The following CNTN4 variants were observed in gnomAD, a reference collection of about 807,000 sequenced individuals.
CNTN4 encodes the protein contactin 4.
CNTN4 carries 77 observed loss-of-function variants against 122.5 expected under a neutral mutation model. The ratio of observed to expected loss-of-function variants is 0.63; its 90% CI spans 0.52 to 0.76. The LOEUF is 0.76. Ranked by LOEUF, CNTN4 falls within the 30% of genes least tolerant of loss-of-function variation. The pLI is 0.00. For missense variants in CNTN4, 1,256 were observed against 1,259.1 expected (o/e 1.00, Z 0.04); for synonymous variants, 512 against 447.0 (o/e 1.15, Z -1.83).
At chr3:2,603,079 T>C (rs1459018994) in intron 4 of CNTN4, among the ~76,000 whole-genome samples, 1 of 151,102 alleles carries the variant, frequency 6.6e-6, no homozygotes, top group Non-Finnish European at 1.5e-5. Flanking sequence ...AATTGTTGAG[T>C]ATTTTCTCAT....
intron 3 of CNTN4, among the ~76,000 whole-genome samples, chr3:2,538,979 C>G (rs1321889871): frequency 6.6e-6 from 1 of 151,812 alleles, no homozygotes; most frequent in Non-Finnish European, 1.5e-5. Flanking sequence ...TATATATGCT[C>G]AAAATATTAT....
intron 3 of CNTN4, among the ~76,000 whole-genome samples, chr3:2,366,624 A>G (rs1318186619): frequency 1.3e-5 from 2 of 152,036 alleles, no homozygotes; most frequent in South Asian, 2.1e-4. Flanking sequence ...CTACTCGGGA[A>G]ACTGAGGCAG....
Position 2,426,497 on chromosome 3 carries a change from C to T in CNTN4, c.-89+87264C>T, listed in dbSNP as rs372540104. Among the ~76,000 whole-genome samples, 109 of 152,146 alleles carry T rather than the reference C, an allele frequency of 7.2e-4. 1 individual carries two copies. The highest frequency in any genetic ancestry group is 2.7e-3 in the Admixed American group (42 of 15,276). ...AGTATTTTAATGAGTATTTTTGCAT[C>T]GATGTTTATCATGGATATTGGTCTG... On this transcript the variant is annotated intron_variant, in intron 3 of 24. Transcript: ENST00000418658.
At chr3:2,787,786 G>T (rs1338151673) in intron 6 of CNTN4, among the ~76,000 whole-genome samples, 1 of 105,980 alleles carries the variant, frequency 9.4e-6, no homozygotes, top group Non-Finnish European at 1.8e-5. Flanking sequence ...TTGTTTTGTG[G>T]GTTTTTGTTT....
At chr3:2,432,819 T>TTC (rs1280922699) in intron 3 of CNTN4, among the ~76,000 whole-genome samples, 2 of 151,124 alleles carry the variant, frequency 1.3e-5, no homozygotes, top group Non-Finnish European at 3.0e-5. Flanking sequence ...AACTGCTTTT[T>TTC]TTTTTTTTTG....
At chr3:2,515,447 G>T (rs905343439) in intron 3 of CNTN4, among the ~76,000 whole-genome samples, 1 of 152,098 alleles carries the variant, frequency 6.6e-6, no homozygotes, top group Non-Finnish European at 1.5e-5. Context: ...TATGTTCATC[G>T]AATGATTTGA....
At chr3:2,880,509 T>G (rs2150961846) in intron 8 of CNTN4, among the ~76,000 whole-genome samples, 1 of 152,328 alleles carries the variant, frequency 6.6e-6, no homozygotes, top group South Asian at 2.1e-4. Flanking sequence ...GTTAGCAAGT[T>G]CAACAGCTGT....
chr3:2,484,447 C>G (rs192203142), intron 3 of CNTN4, among the ~76,000 whole-genome samples: 23 of 152,274 alleles, frequency 1.5e-4, no homozygotes, highest in Admixed American at 8.5e-4. Context: ...ATGCTTTGGG[C>G]TTCCCTGGCA....
intron 14 of CNTN4, among the ~76,000 whole-genome samples, chr3:3,004,881 A>G (rs1285325491): frequency 6.6e-6 from 1 of 152,178 alleles, no homozygotes; most frequent in African/African-American, 2.4e-5. Context: ...GTAGCTCTTC[A>G]GGGGTCAGCT....
chr3:2,309,072 A>G (rs1575335748), intron 2 of CNTN4, among the ~76,000 whole-genome samples: 1 of 152,056 alleles, frequency 6.6e-6, no homozygotes, highest in South Asian at 2.1e-4. Flanking sequence ...CTTTTCAACT[A>G]TTATTGTTGA....
At chr3:2,971,312 ATATC>A (rs201306005) in intron 13 of CNTN4, among the ~76,000 whole-genome samples, 2,678 of 150,338 alleles carry the variant, frequency 0.018, 30 homozygotes, top group Non-Finnish European at 0.024. Flanking sequence ...GGTCAACTGT[ATATC>A]TATCTATCTA....
At chr3:2,598,792 A>G (rs557619049) in intron 4 of CNTN4, among the ~76,000 whole-genome samples, 1 of 152,324 alleles carries the variant, frequency 6.6e-6, no homozygotes, top group East Asian at 1.9e-4. Flanking sequence ...GTATTTGTAC[A>G]AATGTCCCTC....
chr3:2,961,566 T>C lies in CNTN4; in HGVS notation c.1359-26779T>C, dbSNP rs192435770. The stretch of plus-strand genomic sequence containing the variant: ...CATAAAAATAAAGATATTTTTATTT[T>C]CCTCACTGCCTGTTATATCAAATGT... On this transcript the variant is annotated intron_variant, in intron 13 of 24. Coordinates refer to ENST00000418658, the MANE Select transcript of CNTN4 (RefSeq NM_175607.3). Among the ~76,000 whole-genome samples, 104 of 152,314 alleles carry C rather than the reference T, an allele frequency of 6.8e-4. 1 individual carries two copies. The highest frequency in any genetic ancestry group is 2.4e-3 in the African/African-American group (99 of 41,574).
Position 2,501,178 on chromosome 3 carries a change from A to G in CNTN4, c.-88-70238A>G, listed in dbSNP as rs140686100. On this transcript the variant is annotated intron_variant, in intron 3 of 24. Transcript: ENST00000418658. The stretch of plus-strand genomic sequence containing the variant: ...TGCTCAGGAGGATAGACATGTCCCT[A>G]TATAGAAAGTCCATTCATTTTTGTG... 3.1e-3 allele frequency among the ~76,000 whole-genome samples: 472 copies of G among 152,234 alleles called. 5 individuals are homozygous for G. Among genetic ancestry groups the G allele is most frequent in the African/African-American group, 0.011 (438 of 41,532 alleles).
At chr3:2,287,816 GGAA>G (rs776165702) in intron 2 of CNTN4, among the ~76,000 whole-genome samples, 74 of 151,686 alleles carry the variant, frequency 4.9e-4, no homozygotes, top group Non-Finnish European at 6.5e-4. Context: ...AGGAGGAAGA[GGAA>G]GAAGAAGAAG....
chr3:2,600,219 T>G (rs2080974726), intron 4 of CNTN4, among the ~76,000 whole-genome samples: 2 of 151,938 alleles, frequency 1.3e-5, no homozygotes, highest in African/African-American at 4.8e-5. Context: ...AGATTTTTTT[T>G]ATACTTTAAG....
chr3:3,026,680 T>C (rs1421472935), intron 15 of CNTN4, among the ~76,000 whole-genome samples: 1 of 152,168 alleles, frequency 6.6e-6, no homozygotes, highest in African/African-American at 2.4e-5. Flanking sequence ...TTCCTTCTGT[T>C]TTTAGGCTGC....
chr3:2,726,576 C>T (rs146051316), intron 4 of CNTN4, among the ~76,000 whole-genome samples: 82 of 152,310 alleles, frequency 5.4e-4, no homozygotes, highest in African/African-American at 1.7e-3. Flanking sequence ...ATTAGTGACC[C>T]TGATATCTCA....
chr3:2,598,129 C>CT (rs1469242039), intron 4 of CNTN4, among the ~76,000 whole-genome samples: 1 of 152,158 alleles, frequency 6.6e-6, no homozygotes, highest in Non-Finnish European at 1.5e-5. Context: ...CTGGCAGCAT[C>CT]TTATTGCCTT....
Sources: gnomAD v4.1 joint callset for allele counts (sites outside exome capture counted in the v4.1 genomes callset) on GRCh38, gnomAD v4.1.1 for gene constraint, MANE v1.5 for transcripts, NCBI Gene and HGNC (gene_info 2026-07-23, HGNC 2026-07-21) for gene names.